The following GALNT17 variants were observed in gnomAD, a reference collection of about 807,000 sequenced individuals.
GALNT17 encodes UDP-GalNAc:polypeptide N-acetylgalactosaminyltransferase-like 3.
A neutral mutation model predicts 63.7 loss-of-function variants in GALNT17; 29 were observed. The observed-to-expected ratio is 0.46, with a 90% CI of 0.34 to 0.62. The LOEUF (loss-of-function observed/expected upper bound fraction) is 0.62. Ranked by LOEUF, GALNT17 falls within the 20% of genes least tolerant of loss-of-function variation. GALNT17 has a pLI of 0.01. For missense variants in GALNT17, 603 were observed against 799.6 expected, an observed-to-expected ratio of 0.75 and a Z score of 2.97; for synonymous variants, 305 against 318.3, an observed-to-expected ratio of 0.96 and a Z score of 0.45.
At chr7:71,439,636 T>TG (rs1032708424) in intron 5 of GALNT17, among the ~76,000 whole-genome samples, 22 of 152,206 alleles carry the variant, frequency 1.4e-4, no homozygotes, top group African/African-American at 4.8e-4. Context: ...GGTTCAGTGT[T>TG]GCGGGCTGCC....
intron 8 of GALNT17, among the ~76,000 whole-genome samples, chr7:71,671,957 G>A (rs1184282300): frequency 1.3e-5 from 2 of 150,766 alleles, no homozygotes; most frequent in Non-Finnish European, 2.9e-5. Context: ...GAACCCGATA[G>A]GCAGAAGTTG....
intron 9 of GALNT17, among the ~76,000 whole-genome samples, chr7:71,695,260 G>T (rs562175206): frequency 6.6e-6 from 1 of 152,102 alleles, no homozygotes; most frequent in Non-Finnish European, 1.5e-5. Context: ...CAATCTATCC[G>T]CTCCTAGAAC....
intron 1 of GALNT17, among the ~76,000 whole-genome samples, chr7:71,280,374 G>A (rs1347425859): frequency 6.6e-6 from 1 of 152,140 alleles, no homozygotes; most frequent in African/African-American, 2.4e-5. Context: ...TGGTCACGTG[G>A]CTCATTTGTG....
intron 1 of GALNT17, among the ~76,000 whole-genome samples, chr7:71,175,346 CTG>C (rs1157617054): frequency 6.6e-6 from 1 of 152,184 alleles, no homozygotes; most frequent in Non-Finnish European, 1.5e-5. Context: ...ATCTATTTGT[CTG>C]TCTTTGTCAT....
At chr7:71,368,197 G>A (rs370619801) in intron 2 of GALNT17, among the ~76,000 whole-genome samples, 1 of 152,232 alleles carries the variant, frequency 6.6e-6, no homozygotes, top group Non-Finnish European at 1.5e-5. Flanking sequence ...CATGCTCTGT[G>A]TAATGTCACT....
chr7:71,467,231 G>A (rs1189662698), intron 5 of GALNT17, among the ~76,000 whole-genome samples: 1 of 152,114 alleles, frequency 6.6e-6, no homozygotes, highest in African/African-American at 2.4e-5. Flanking sequence ...TCGTAGCTCT[G>A]GGATATCTAC....
intron 5 of GALNT17, among the ~76,000 whole-genome samples, chr7:71,509,174 A>T (rs1352603984): frequency 6.6e-6 from 1 of 152,232 alleles, no homozygotes; most frequent in Non-Finnish European, 1.5e-5. Context: ...ACAGTATTCA[A>T]TAAATTACAT....
At chr7:71,191,928 T>C (rs1331857665) in intron 1 of GALNT17, among the ~76,000 whole-genome samples, 1 of 152,194 alleles carries the variant, frequency 6.6e-6, no homozygotes, top group Non-Finnish European at 1.5e-5. Flanking sequence ...TGAAGTCCCA[T>C]GATAGGCCAT....
intron 1 of GALNT17, among the ~76,000 whole-genome samples, chr7:71,155,417 A>G (rs1187707769): frequency 1.3e-5 from 2 of 151,458 alleles, no homozygotes; most frequent in East Asian, 1.9e-4. Context: ...GGGACCACGG[A>G]TGTGCACCAC....
At chr7:71,709,015 T>A (rs1447696031) in intron 9 of GALNT17, among the ~76,000 whole-genome samples, 6 of 152,248 alleles carry the variant, frequency 3.9e-5, no homozygotes, top group Non-Finnish European at 8.8e-5. Flanking sequence ...AGTGCTGCAA[T>A]GAACGTGTAA....
At chr7:71,194,035 T>C (rs948125113) in intron 1 of GALNT17, among the ~76,000 whole-genome samples, 6 of 152,144 alleles carry the variant, frequency 3.9e-5, no homozygotes, top group Non-Finnish European at 8.8e-5. Flanking sequence ...CTCTAACCAA[T>C]CATCTGCTTT....
chr7:71,178,054 C>T (rs1788670121), intron 1 of GALNT17, among the ~76,000 whole-genome samples: 1 of 152,114 alleles, frequency 6.6e-6, no homozygotes, highest in African/African-American at 2.4e-5. Context: ...GAGTCATTTC[C>T]TTTCTGGCTG....
intron 2 of GALNT17, among the ~76,000 whole-genome samples, chr7:71,375,518 G>A (rs557633576): frequency 1.8e-4 from 28 of 152,256 alleles, no homozygotes; most frequent in Middle Eastern, 6.8e-3. Flanking sequence ...GGACTCAGGC[G>A]ATCCTCTCAC....
chr7:71,355,809 A>G (rs1404327787), intron 2 of GALNT17, among the ~76,000 whole-genome samples: 2 of 151,698 alleles, frequency 1.3e-5, no homozygotes, highest in Non-Finnish European at 2.9e-5. Flanking sequence ...CTGGGATTAC[A>G]GGTGTGAGCC....
At chr7:71,638,065 C>A (rs1016135837) in intron 6 of GALNT17, among the ~76,000 whole-genome samples, 2 of 152,192 alleles carry the variant, frequency 1.3e-5, no homozygotes, top group African/African-American at 4.8e-5. Flanking sequence ...TGCCCAGAAC[C>A]GAGGGTTCCT....
At chr7:71,490,232 G>C (rs1371546642) in intron 5 of GALNT17, among the ~76,000 whole-genome samples, 2 of 151,138 alleles carry the variant, frequency 1.3e-5, no homozygotes, top group Non-Finnish European at 2.9e-5. Context: ...ACTCTAGCCT[G>C]GGTGATAGGG....
At chr7:71,526,669 G>A (rs903913525) in intron 5 of GALNT17, among the ~76,000 whole-genome samples, 1 of 151,406 alleles carries the variant, frequency 6.6e-6, no homozygotes, top group African/African-American at 2.5e-5. Flanking sequence ...ACAGGCATGT[G>A]CCCCCACGCC....
intron 5 of GALNT17, among the ~76,000 whole-genome samples, chr7:71,517,441 A>G (rs904541881): frequency 3.9e-5 from 6 of 152,312 alleles, no homozygotes; most frequent in African/African-American, 1.2e-4. Flanking sequence ...CACTCACTCC[A>G]TAACATCTTT....
intron 6 of GALNT17, among the ~76,000 whole-genome samples, chr7:71,634,182 C>T (rs903181758): frequency 6.6e-6 from 1 of 152,116 alleles, no homozygotes; most frequent in Non-Finnish European, 1.5e-5. Flanking sequence ...TCTTTCTGTC[C>T]ATGTGCAATT....
Sources: allele counts gnomAD v4.1 joint callset (sites outside exome capture counted in the v4.1 genomes callset), GRCh38; gene constraint gnomAD v4.1.1; transcripts MANE v1.5; gene names NCBI Gene and HGNC (gene_info 2026-07-23, HGNC 2026-07-21).